Variants in ADAM32 observed in about 807,000 individuals in gnomAD.
ADAM32 encodes the protein disintegrin and metalloproteinase domain-containing protein 32.
In ADAM32, 89 loss-of-function variants were observed where a neutral mutation model predicts 114.9. The observed-to-expected ratio is 0.77, with a 90% CI of 0.65 to 0.92. The LOEUF is 0.92. Among genes scored for constraint, ADAM32 ranks in the 40% least tolerant of loss-of-function variants. The pLI is 0.00. For synonymous variants in ADAM32, 285 were observed against 307.5 expected, an observed-to-expected ratio of 0.93 and a Z score of 0.77; for missense variants, 870 against 932.8, an observed-to-expected ratio of 0.93 and a Z score of 0.88.
At chr8:39,189,385 G>A (rs1018719615) in intron 11 of ADAM32, among the ~76,000 whole-genome samples, 4 of 151,984 alleles carry the variant, frequency 2.6e-5, no homozygotes, top group Non-Finnish European at 5.9e-5. Flanking sequence ...ATATGTATTT[G>A]TTCAAAATTC....
chr8:39,162,173 A>G (rs1260968300), intron 7 of ADAM32, among the ~76,000 whole-genome samples: 1 of 81,542 alleles, frequency 1.2e-5, no homozygotes, highest in African/African-American at 4.9e-5. Flanking sequence ...CCCCCACCCC[A>G]CAATAGGCCC....
chr8:39,143,293 T>G (rs1003173720), intron 3 of ADAM32, among the ~76,000 whole-genome samples: 1 of 152,150 alleles, frequency 6.6e-6, no homozygotes, highest in African/African-American at 2.4e-5. Context: ...AGGCACTCTG[T>G]TTTTTTGGAA....
chr8:39,271,404 T>C (rs900710069), intron 20 of ADAM32, among the ~76,000 whole-genome samples: 4 of 149,762 alleles, frequency 2.7e-5, no homozygotes, highest in African/African-American at 9.9e-5. Flanking sequence ...GCAAACCTAC[T>C]GCACAAAGCA....
chr8:39,277,129 T>A (rs921365820), intron 22 of ADAM32, among the ~76,000 whole-genome samples: 1 of 152,200 alleles, frequency 6.6e-6, no homozygotes, highest in Non-Finnish European at 1.5e-5. Flanking sequence ...CTTCCTCCAT[T>A]TCTTCTTCGC....
intron 1 of ADAM32, among the ~76,000 whole-genome samples, chr8:39,110,501 C>T (rs368335579): frequency 3.3e-5 from 5 of 152,080 alleles, no homozygotes; most frequent in African/African-American, 1.2e-4. Context: ...CTGCTATAAA[C>T]ATCTATGTGC....
At chr8:39,194,154 G>A (rs1806794749) in intron 11 of ADAM32, among the ~76,000 whole-genome samples, 1 of 152,218 alleles carries the variant, frequency 6.6e-6, no homozygotes, top group Admixed American at 6.5e-5. Context: ...ATTTGTGCTG[G>A]TGGTGGTGTT....
At chr8:39,211,935 C>CTGTGTTTAATA (rs1231221990) in intron 12 of ADAM32, among the ~76,000 whole-genome samples, 1 of 152,114 alleles carries the variant, frequency 6.6e-6, no homozygotes, top group Non-Finnish European at 1.5e-5. Context: ...AACCATATCA[C>CTGTGTTTAATA]ATTATTTTAA....
intron 2 of ADAM32, among the ~76,000 whole-genome samples, chr8:39,125,978 G>T (rs1180562122): frequency 6.6e-6 from 1 of 152,114 alleles, no homozygotes; most frequent in Non-Finnish European, 1.5e-5. Context: ...TTGTAGGCAT[G>T]CGGTCTTATT....
intron 3 of ADAM32, among the ~76,000 whole-genome samples, chr8:39,141,153 A>G (rs1803128956): frequency 6.6e-6 from 1 of 152,100 alleles, no homozygotes; most frequent in South Asian, 2.1e-4. Flanking sequence ...TCCTGGATTC[A>G]TTAATTTTTT....
intron 12 of ADAM32, among the ~76,000 whole-genome samples, chr8:39,220,590 C>T (rs781078356): frequency 2.0e-5 from 3 of 151,852 alleles, no homozygotes; most frequent in Non-Finnish European, 4.4e-5. Flanking sequence ...TTTGCTGTAT[C>T]TCATAGGTTT....
Position 39,284,412 on chromosome 8 carries a change from TAC to T in ADAM32, c.2358-370_2358-369del, listed in dbSNP as rs1008298018. Among the ~76,000 whole-genome samples, 84 of 149,550 alleles carry T rather than the reference TAC, an allele frequency of 5.6e-4. 1 individual carries two copies. The highest frequency in any genetic ancestry group is 4.0e-3 in the Admixed American group (61 of 15,076). On this transcript the variant is annotated intron_variant, in intron 24 of 24. Coordinates refer to ENST00000379907, the MANE Select transcript of ADAM32 (RefSeq NM_145004.7). ...ACACACACACACACGTACACACACA[TAC>T]ACACACACACGGAGTAATTGGCTGC...
intron 24 of ADAM32, 81 bp downstream of exon 24, chr8:39,283,705 A>G: frequency 8.7e-7 from 1 of 1,145,692 alleles, no homozygotes. Context: ...ATTAATTCCT[A>G]AGTATGGACT....
chr8:39,160,793 C>A, intron 6 of ADAM32, 104 bp from the exon 7 acceptor site: 2 of 979,454 alleles, frequency 2.0e-6, no homozygotes, highest in African/African-American at 1.7e-5. Context: ...AAGCAAACAC[C>A]TCTGCATATC....
At position 39,242,878 on chromosome 8, in the gene ADAM32, G is replaced by C. The variant is rs144908328; in HGVS notation, c.1819-3205G>C. Among the ~76,000 whole-genome samples the C allele has an allele frequency of 3.2e-3, 489 of 152,186 alleles. 2 individuals are homozygous for C. The highest frequency in any genetic ancestry group is 3.6e-3 in the Non-Finnish European group (246 of 68,010). ...TTTGAAAAGATAAACAAAACGGATA[G>C]ACCATTAGTGATATTAACCAAGAAA... On this transcript the variant is annotated intron_variant, in intron 16 of 24. Coordinates refer to ENST00000379907, the MANE Select transcript of ADAM32 (RefSeq NM_145004.7).
intron 11 of ADAM32, among the ~76,000 whole-genome samples, chr8:39,200,090 A>G (rs1439865284): frequency 6.6e-6 from 1 of 152,210 alleles, no homozygotes; most frequent in Non-Finnish European, 1.5e-5. Flanking sequence ...ATATGTGTGC[A>G]TGTGTCTTTA....
chr8:39,233,488 A>G (rs1809883449), intron 15 of ADAM32, among the ~76,000 whole-genome samples: 1 of 152,204 alleles, frequency 6.6e-6, no homozygotes, highest in South Asian at 2.1e-4. Context: ...GGTCACTTTC[A>G]TCGCCATCTT....
chr8:39,131,622 G>A (rs1802461283), intron 2 of ADAM32, among the ~76,000 whole-genome samples: 1 of 152,122 alleles, frequency 6.6e-6, no homozygotes, highest in South Asian at 2.1e-4. Flanking sequence ...TCTGTCAGTT[G>A]TTCTTTCATG....
At chr8:39,267,899 A>G (rs187222354) in intron 19 of ADAM32, among the ~76,000 whole-genome samples, 7 of 152,330 alleles carry the variant, frequency 4.6e-5, no homozygotes, top group Non-Finnish European at 7.4e-5. Context: ...CAGATGTGGA[A>G]TGTGGGCTCT....
intron 12 of ADAM32, 117 bp downstream of exon 12, chr8:39,211,441 G>C (rs1808213086): frequency 9.5e-7 from 1 of 1,058,184 alleles, no homozygotes; most frequent in Middle Eastern, 3.2e-4. Context: ...GACAGTAAGT[G>C]AAGTTGGGTC....
Sources: gnomAD v4.1 joint callset for allele counts (sites outside exome capture counted in the v4.1 genomes callset) on GRCh38, gnomAD v4.1.1 for gene constraint, MANE v1.5 for transcripts, NCBI Gene and HGNC (gene_info 2026-07-23, HGNC 2026-07-21) for gene names.